Variants in WWOX observed in about 807,000 individuals in gnomAD.
WWOX encodes the protein WW domain-containing oxidoreductase.
A neutral mutation model predicts 46.2 loss-of-function variants in WWOX; 69 were observed. The observed-to-expected ratio is 1.49, with a 90% CI of 1.23 to 1.82. The LOEUF (loss-of-function observed/expected upper bound fraction) is 1.82. Among genes scored for constraint, WWOX ranks in the 40% most tolerant of loss-of-function variants. The pLI is 0.00. For missense variants in WWOX, 919 were observed against 542.6 expected, an observed-to-expected ratio of 1.69 and a Z score of -6.89; for synonymous variants, 359 against 202.6, an observed-to-expected ratio of 1.77 and a Z score of -6.56.
At chr16:78,832,869 G>A (rs1399572770) in intron 8 of WWOX, among the ~76,000 whole-genome samples, 1 of 152,064 alleles carries the variant, frequency 6.6e-6, no homozygotes, top group Non-Finnish European at 1.5e-5. Flanking sequence ...TATTTCACCA[G>A]TGACTTTTGA....
intron 8 of WWOX, among the ~76,000 whole-genome samples, chr16:78,720,231 T>A (rs565996662): frequency 6.6e-6 from 1 of 152,032 alleles, no homozygotes; most frequent in East Asian, 1.9e-4. Flanking sequence ...CTGTGATTCG[T>A]CTGATAGACT....
chr16:79,129,639 T>A (rs1366554284), intron 8 of WWOX, among the ~76,000 whole-genome samples: 2 of 152,116 alleles, frequency 1.3e-5, no homozygotes, highest in Admixed American at 6.6e-5. Context: ...CAAATGAAAT[T>A]CATTTCACAT....
intron 8 of WWOX, among the ~76,000 whole-genome samples, chr16:78,821,316 G>T (rs1161424947): frequency 1.2e-4 from 18 of 152,132 alleles, no homozygotes; most frequent in Admixed American, 1.1e-3. Flanking sequence ...AGTTATGATG[G>T]AGGGTGGGTC....
chr16:79,176,268 A>G (rs2050798648), intron 8 of WWOX, among the ~76,000 whole-genome samples: 1 of 152,210 alleles, frequency 6.6e-6, no homozygotes, highest in South Asian at 2.1e-4. Flanking sequence ...AAAGTGACTC[A>G]GGGATCCAGG....
chr16:78,588,876 G>GTGT (rs1287448609), intron 8 of WWOX, among the ~76,000 whole-genome samples: 2 of 152,178 alleles, frequency 1.3e-5, no homozygotes, highest in Admixed American at 6.5e-5. Context: ...GGTAGTGATA[G>GTGT]TGTTGATAGA....
chr16:78,752,118 C>A (rs1037969811), intron 8 of WWOX, among the ~76,000 whole-genome samples: 1 of 152,168 alleles, frequency 6.6e-6, no homozygotes, highest in African/African-American at 2.4e-5. Flanking sequence ...TCAGTTGTCT[C>A]AATCCATAAA....
chr16:78,915,526 C>G (rs1034155401), intron 8 of WWOX, among the ~76,000 whole-genome samples: 1 of 152,052 alleles, frequency 6.6e-6, no homozygotes, highest in Non-Finnish European at 1.5e-5. Flanking sequence ...GATCAATGAG[C>G]CAAATGTTAG....
At chr16:78,554,015 G>A (rs774013854) in intron 8 of WWOX, among the ~76,000 whole-genome samples, 17 of 152,166 alleles carry the variant, frequency 1.1e-4, no homozygotes, top group Admixed American at 3.3e-4. Flanking sequence ...CATCAAACAC[G>A]CCGTCAAGCA....
chr16:78,967,379 G>A lies in WWOX; in HGVS notation c.1057-244229G>A, dbSNP rs188963056. Among the ~76,000 whole-genome samples, 4 of 138,896 alleles carry A rather than the reference G, an allele frequency of 2.9e-5. No individual in the cohort carries two copies. In the East Asian group the frequency reaches 6.6e-4, roughly 23 times the overall value. The allele number at this position is 138,896 out of a possible 152,430, so 91.1% of individuals were successfully genotyped here. On this transcript the variant is annotated intron_variant, in intron 8 of 8. Transcript: ENST00000566780. Reference sequence around the variant, plus strand: ...ATCATGGCTCACTGCAGCCTCCCGGGCTCAAGCTTTCCACCCACCTCAGCC... The same window carrying A: ...ATCATGGCTCACTGCAGCCTCCCGGACTCAAGCTTTCCACCCACCTCAGCC...
intron 8 of WWOX, among the ~76,000 whole-genome samples, chr16:78,588,783 T>C (rs779745293): frequency 2.6e-5 from 4 of 152,160 alleles, no homozygotes; most frequent in Non-Finnish European, 5.9e-5. Flanking sequence ...TAGCATATGC[T>C]TTTTGGCATT....
At chr16:79,120,213 G>A (rs1325612971) in intron 8 of WWOX, among the ~76,000 whole-genome samples, 2 of 152,206 alleles carry the variant, frequency 1.3e-5, no homozygotes, top group Non-Finnish European at 2.9e-5. Flanking sequence ...CATAGACAGG[G>A]AATGTATCTC....
In WWOX at chr16:78,819,285, A is replaced by G. The variant is rs74427687; in HGVS notation, c.1056+386533A>G. ...GACTTGATTCTGGAGGCAAGACTCA[A>G]CTCCATAGACAGGGCTTACACACCG... On this transcript the variant is annotated intron_variant, in intron 8 of 8. Transcript: ENST00000566780. Among the ~76,000 whole-genome samples, 24 of 152,196 alleles carry G rather than the reference A, an allele frequency of 1.6e-4. 1 individual carries two copies. In the East Asian group the frequency reaches 3.1e-3, roughly 20 times the overall value.
At position 78,473,734 on chromosome 16, in the gene WWOX, C is replaced by CTT. The variant is rs908934171; in HGVS notation, c.1056+40984_1056+40985dup. ...TGTACCCTACTCTTTACTCCCAGGT[C>CTT]TTTGCAAGGTAAGCTGTCAGGTGTT... On this transcript the variant is annotated intron_variant, in intron 8 of 8. Coordinates refer to ENST00000566780, the MANE Select transcript of WWOX (RefSeq NM_016373.4). Among the ~76,000 whole-genome samples the CTT allele has an allele frequency of 9.7e-4, 148 of 152,232 alleles. 1 individual carries two copies. Among genetic ancestry groups the CTT allele is most frequent in the African/African-American group, 3.4e-3 (143 of 41,550 alleles).
At chr16:78,736,510 A>G (rs979512938) in intron 8 of WWOX, among the ~76,000 whole-genome samples, 22 of 152,188 alleles carry the variant, frequency 1.4e-4, no homozygotes, top group African/African-American at 5.1e-4. Flanking sequence ...GTGACAACAC[A>G]CATATCATCA....
In WWOX at chr16:79,104,498, C is replaced by G. The variant is rs74034969; in HGVS notation, c.1057-107110C>G. Reference sequence around the variant, plus strand: ...ATAATATTTTAATGCCAAACATATACAAAGGATAGATCAGTAATTTCCGAG... The same window carrying G: ...ATAATATTTTAATGCCAAACATATAGAAAGGATAGATCAGTAATTTCCGAG... On this transcript the variant is annotated intron_variant, in intron 8 of 8. Coordinates refer to ENST00000566780, the MANE Select transcript of WWOX (RefSeq NM_016373.4). Among the ~76,000 whole-genome samples the G allele has an allele frequency of 4.4e-3, 673 of 152,232 alleles. 5 individuals are homozygous for G. Among genetic ancestry groups the G allele is most frequent in the African/African-American group, 0.015 (642 of 41,552 alleles).
intron 8 of WWOX, among the ~76,000 whole-genome samples, chr16:78,676,040 C>G (rs574913729): frequency 3.4e-4 from 52 of 152,064 alleles, no homozygotes; most frequent in Middle Eastern, 3.4e-3. Context: ...AGCTTCTTCT[C>G]CGCTGCTTGT....
At chr16:78,830,513 C>T (rs1164989835) in intron 8 of WWOX, among the ~76,000 whole-genome samples, 6 of 151,946 alleles carry the variant, frequency 3.9e-5, no homozygotes, top group Non-Finnish European at 5.9e-5. Flanking sequence ...AAACAAATTA[C>T]CCATTACCAG....
intron 5 of WWOX, among the ~76,000 whole-genome samples, chr16:78,318,862 T>C (rs1272109465): frequency 2.0e-5 from 3 of 152,184 alleles, no homozygotes; most frequent in Non-Finnish European, 4.4e-5. Flanking sequence ...CCAGGAAACA[T>C]GCCTGGGTAC....
At chr16:78,269,463 G>T (rs2079432268) in intron 5 of WWOX, among the ~76,000 whole-genome samples, 1 of 152,150 alleles carries the variant, frequency 6.6e-6, no homozygotes, top group Non-Finnish European at 1.5e-5. Context: ...CTGTGCTCGT[G>T]CTGCCCTGTG....
Sources: gnomAD v4.1 joint callset for allele counts (sites outside exome capture counted in the v4.1 genomes callset) on GRCh38, gnomAD v4.1.1 for gene constraint, MANE v1.5 for transcripts, NCBI Gene and HGNC (gene_info 2026-07-23, HGNC 2026-07-21) for gene names.